The following ZNF410 variants were observed in gnomAD, a reference collection of about 807,000 sequenced individuals.
ZNF410 encodes the protein zinc finger protein 410.
ZNF410 carries 18 observed loss-of-function variants against 54.8 expected under a neutral mutation model. The ratio of observed to expected loss-of-function variants is 0.33; its 90% CI spans 0.23 to 0.49. ZNF410 has a LOEUF of 0.49. ZNF410 is among the 20% of genes least tolerant of loss of function. ZNF410 has a pLI of 0.99. For missense variants in ZNF410, 405 were observed against 569.6 expected (o/e 0.71, Z 2.94); for synonymous variants, 191 against 207.3 (o/e 0.92, Z 0.68).
chr14:73,887,048 C>G (rs1340203267), intron 1 of ZNF410, 133 bp downstream of exon 1: 1 of 152,852 alleles, frequency 6.5e-6, no homozygotes, highest in Non-Finnish European at 1.5e-5. Context: ...TTGGGCATCC[C>G]TCCTGGATCT....
chr14:73,912,505 GA>G (rs1458020623), intron 8 of ZNF410, among the ~76,000 whole-genome samples: 1 of 152,130 alleles, frequency 6.6e-6, no homozygotes, highest in Non-Finnish European at 1.5e-5. Context: ...AATGATACCT[GA>G]ATCTCTTATT....
intron 5 of ZNF410, among the ~76,000 whole-genome samples, chr14:73,902,832 A>G (rs2055428243): frequency 6.6e-6 from 1 of 152,218 alleles, no homozygotes; most frequent in Non-Finnish European, 1.5e-5. Flanking sequence ...TTTACATTTA[A>G]GGGAGGCACT....
intron 4 of ZNF410, 102 bp downstream of exon 4, chr14:73,896,636 A>T (rs1284035982): frequency 4.3e-6 from 4 of 920,970 alleles, no homozygotes; most frequent in Non-Finnish European, 6.5e-6. Context: ...AACCTTTATT[A>T]TTTTATTATT....
At position 73,921,005 on chromosome 14, in the gene ZNF410, C is replaced by G. The variant is rs1013117845; in HGVS notation, c.1029C>G (p.Val343=). ...GAGAGAAGCCTCATCAGTGCCAAGT[C>G]TGTGGGAAGACCTTCTCTCAGAGTG... ...HSGEKPHQCQ[V]CGKTFSQSGS... The change falls in exon 9 of 12, where the codon GTC becomes GTG. Residue 343 remains valine, a synonymous_variant. Transcript: ENST00000555044. 2.5e-6 allele frequency: 4 copies of G among 1,613,910 alleles called. No individual in the cohort carries two copies. In the African/African-American group the frequency reaches 5.3e-5, roughly 22 times the overall value.
chr14:73,904,177 T>G, intron 6 of ZNF410, 67 bp downstream of exon 6: 2 of 1,548,450 alleles, frequency 1.3e-6, no homozygotes, highest in African/African-American at 2.7e-5. Flanking sequence ...CCAGAGGAAC[T>G]TGCCCCTCAG....
intron 1 of ZNF410, among the ~76,000 whole-genome samples, chr14:73,889,238 G>T (rs539466539): frequency 1.3e-5 from 2 of 152,094 alleles, no homozygotes; most frequent in East Asian, 3.9e-4. Context: ...GCAGTGGCGT[G>T]ATCACTGTTC....
intron 5 of ZNF410, among the ~76,000 whole-genome samples, chr14:73,900,321 C>T (rs780758371): frequency 1.8e-4 from 27 of 151,434 alleles, no homozygotes; most frequent in Non-Finnish European, 3.8e-4. Context: ...ATAAAATTAA[C>T]ATTATAGGTT....
At chr14:73,901,933 C>CA (rs200015374) in intron 5 of ZNF410, among the ~76,000 whole-genome samples, 21,305 of 126,070 alleles carry the variant, frequency 0.17, 2,065 homozygotes, top group East Asian at 0.51. Flanking sequence ...GACCCTGTCT[C>CA]AAAAAAAAAA....
At chr14:73,916,526 C>G (rs1220797358) in intron 8 of ZNF410, 2 of 152,162 alleles carry the variant, frequency 1.3e-5, no homozygotes, top group African/African-American at 4.8e-5. Context: ...ATGCTTTTGA[C>G]ATGACCCATT....
At chr14:73,923,148 AGT>A (rs2055779050) in intron 10 of ZNF410, among the ~76,000 whole-genome samples, 1 of 152,190 alleles carries the variant, frequency 6.6e-6, no homozygotes, top group Non-Finnish European at 1.5e-5. Flanking sequence ...GTTTTAATTC[AGT>A]TAAAAGTGCT....
At position 73,896,476 on chromosome 14, in the gene ZNF410, G is replaced by T. The variant is rs1204227284; in HGVS notation, c.330G>T (p.Leu110Phe). 1.2e-6 allele frequency: 2 copies of T among 1,614,132 alleles called. No individual in the cohort carries two copies. Among genetic ancestry groups the T allele is most frequent in the Non-Finnish European group, 1.7e-6 (2 of 1,180,036 alleles). Residue 110 changes from leucine to phenylalanine, a missense_variant, in exon 4 of 12, where the codon TTG (leucine) becomes TTT (phenylalanine). Coordinates refer to ENST00000555044, the MANE Select transcript of ZNF410 (RefSeq NM_021188.3). ...CCACTTCAGAGTCTTCTAGCTTGTT[G>T]CAAGATCTACAGCCAAGTGATAGCA... ...FLSTSESSSL[L>F]QDLQPSDSTS...
At chr14:73,899,614 G>C (rs531020385) in intron 5 of ZNF410, among the ~76,000 whole-genome samples, 1 of 152,270 alleles carries the variant, frequency 6.6e-6, no homozygotes, top group East Asian at 1.9e-4. Flanking sequence ...GAGAAGCAGC[G>C]TAGGGAGGGG....
intron 5 of ZNF410, among the ~76,000 whole-genome samples, chr14:73,901,246 C>T (rs2055401862): frequency 6.6e-6 from 1 of 152,206 alleles, no homozygotes; most frequent in African/African-American, 2.4e-5. Context: ...TCTAAGGCTG[C>T]TACTATGGCA....
At chr14:73,893,749 A>G (rs1386199776) in intron 2 of ZNF410, 48 bp from the exon 3 acceptor site, 2 of 1,564,902 alleles carry the variant, frequency 1.3e-6, no homozygotes, top group African/African-American at 1.4e-5. Context: ...AGGTTTAGAT[A>G]CATTTCTAAC....
Position 73,923,432 on chromosome 14 carries a change from A to G in ZNF410, c.1308A>G (p.Ser436=), listed in dbSNP as rs753149752. 9 of 1,613,904 alleles carry G rather than the reference A, an allele frequency of 5.6e-6. No homozygotes were observed. The African/African-American group carries it at 8.0e-5, about 14-fold the overall frequency. The part of the protein sequence containing the change: ...LAEGSPRSLS[S]VPDVTHHLVT... ...AAGGATCCCCACGTTCCCTGTCTTC[A>G]GTGCCTGATGTGACACATCACCTGG... Residue 436 remains serine, a synonymous_variant, in exon 11 of 12, where the codon TCA becomes TCG. Coordinates refer to ENST00000555044, the MANE Select transcript of ZNF410 (RefSeq NM_021188.3).
At chr14:73,930,600 C>G (rs1036537651) in intron 11 of ZNF410, among the ~76,000 whole-genome samples, 17 of 152,108 alleles carry the variant, frequency 1.1e-4, no homozygotes, top group African/African-American at 3.6e-4. Flanking sequence ...TTGTTCCCAT[C>G]TCATTTTTGT....
At position 73,919,517 on chromosome 14, in the gene ZNF410, G is replaced by A. The variant is rs149797046; in HGVS notation, c.1004-1463G>A. 6.6e-3 allele frequency among the ~76,000 whole-genome samples: 1,011 copies of A among 152,134 alleles called. 9 individuals are homozygous for A. The highest frequency in any genetic ancestry group is 0.023 in the African/African-American group (971 of 41,500). Reference sequence around the variant, plus strand: ...CATAAGTACCCAGTGTTTAGCTCCCGCTTATAAGTGAGAACATGGTGTTTG... The same window carrying A: ...CATAAGTACCCAGTGTTTAGCTCCCACTTATAAGTGAGAACATGGTGTTTG... On this transcript the variant is annotated intron_variant, in intron 8 of 11. Coordinates refer to ENST00000555044, the MANE Select transcript of ZNF410 (RefSeq NM_021188.3).
At chr14:73,905,859 A>G (rs1216709186) in intron 7 of ZNF410, among the ~76,000 whole-genome samples, 1 of 151,440 alleles carries the variant, frequency 6.6e-6, no homozygotes, top group Non-Finnish European at 1.5e-5. Flanking sequence ...TAAAAATATA[A>G]GGCATATATA....
At chr14:73,930,632 C>G (rs905227398) in intron 11 of ZNF410, among the ~76,000 whole-genome samples, 12 of 152,020 alleles carry the variant, frequency 7.9e-5, no homozygotes, top group Admixed American at 1.3e-4. Flanking sequence ...CAGTCTCAGT[C>G]TGTCACTCAG....
Sources: gnomAD v4.1 joint callset for allele counts (sites outside exome capture counted in the v4.1 genomes callset) on GRCh38, gnomAD v4.1.1 for gene constraint, MANE v1.5 for transcripts, NCBI Gene and HGNC (gene_info 2026-07-23, HGNC 2026-07-21) for gene names.